AP1AR: variants seen among roughly 807,000 people sequenced by gnomAD.
The protein encoded by AP1AR is adaptor related protein complex 1 associated regulatory protein, also known as AP-1 complex-associated regulatory protein.
In AP1AR, 29 loss-of-function variants were observed where a neutral mutation model predicts 46.3. The observed-to-expected ratio is 0.63, with a 90% CI of 0.47 to 0.85. The LOEUF (loss-of-function observed/expected upper bound fraction) is 0.85, where lower values mean the gene tolerates loss of function less well. AP1AR is among the 40% of genes least tolerant of loss of function. The pLI, the probability that AP1AR is intolerant of heterozygous loss-of-function variation, is 0.00. For synonymous variants in AP1AR, 122 were observed against 122.9 expected, an observed-to-expected ratio of 0.99 and a Z score of 0.05; for missense variants, 357 against 356.3, an observed-to-expected ratio of 1.00 and a Z score of -0.02.
At chr4:112,249,734 G>A (rs1212229947) in intron 1 of AP1AR, among the ~76,000 whole-genome samples, 6 of 152,092 alleles carry the variant, frequency 3.9e-5, no homozygotes, top group African/African-American at 1.4e-4. Context: ...ATATTGCATA[G>A]TGAGATACCA....
intron 1 of AP1AR, among the ~76,000 whole-genome samples, chr4:112,237,611 C>T (rs1319576529): frequency 6.6e-6 from 1 of 151,946 alleles, no homozygotes; most frequent in African/African-American, 2.4e-5. Flanking sequence ...CAGGCCACCA[C>T]GCTTGGCTAA....
intron 1 of AP1AR, among the ~76,000 whole-genome samples, chr4:112,242,199 T>G (rs970759053): frequency 1.3e-5 from 2 of 152,194 alleles, no homozygotes; most frequent in African/African-American, 4.8e-5. Flanking sequence ...TGGTTTTATC[T>G]TTAATAAAAG....
At chr4:112,241,793 C>G (rs528053548) in intron 1 of AP1AR, among the ~76,000 whole-genome samples, 2 of 152,202 alleles carry the variant, frequency 1.3e-5, no homozygotes, top group East Asian at 3.9e-4. Context: ...GTGGTTAAAT[C>G]TCTATTGAAA....
Position 112,265,067 on chromosome 4 carries a change from G to A in AP1AR, c.440G>A (p.Ser147Asn). The A allele has an allele frequency of 6.3e-7, 1 of 1,598,300 alleles. No individual in the cohort carries two copies. The stretch of plus-strand genomic sequence containing the variant: ...CCTTCCAACAATGGAGAATATCAAA[G>A]GTAAATAGTGAAACATATGCCTCCT... ...YHPSNNGEYQSSGPEDDFESC... is the reference protein window; with the variant it reads ...YHPSNNGEYQNSGPEDDFESC... Residue 147 changes from serine to asparagine, a missense_variant and splice_region_variant, in exon 7 of 10, where the codon AGT becomes AAT. By Grantham distance (46) the Ser-to-Asn change is conservative (BLOSUM62 1). Transcript: ENST00000274000.
At chr4:112,254,967 T>C (rs949749067) in intron 3 of AP1AR, 194 bp downstream of exon 3, 13 of 322,836 alleles carry the variant, frequency 4.0e-5, no homozygotes, top group South Asian at 7.8e-5. Context: ...TTCCGAATTT[T>C]TTTTTTTTCT....
rs977866310 is a variant in AP1AR at position 112,270,732 on chromosome 4, G to A, written c.*2323G>A. On this transcript the variant is annotated 3_prime_UTR_variant, in exon 10 of 10. Transcript: ENST00000274000. ...GGGAATGAAGCATCATGAGTGAGGG[G>A]GAAGAGTGGTATGAGATGATACTGG... 1.3e-5 allele frequency among the ~76,000 whole-genome samples: 2 copies of A among 152,188 alleles called. No individual in the cohort carries two copies. The highest frequency in any genetic ancestry group is 4.8e-5 in the African/African-American group (2 of 41,450).
intron 6 of AP1AR, 123 bp from the exon 7 acceptor site, chr4:112,264,886 A>G (rs1726608000): frequency 1.4e-6 from 1 of 708,986 alleles, no homozygotes. Flanking sequence ...GGAAAAATAT[A>G]TCAACAAAAT....
intron 1 of AP1AR, among the ~76,000 whole-genome samples, chr4:112,240,929 C>A (rs1041225115): frequency 6.6e-6 from 1 of 152,178 alleles, no homozygotes; most frequent in African/African-American, 2.4e-5. Context: ...GGCATAGATA[C>A]ATAAGTGGCA....
chr4:112,272,299 T>TAAC lies in AP1AR; in HGVS notation c.*3892_*3894dup, dbSNP rs1284867260. Among the ~76,000 whole-genome samples the TAAC allele has an allele frequency of 1.3e-5, 2 of 152,118 alleles. No homozygotes were observed. The highest frequency in any genetic ancestry group is 4.8e-5 in the African/African-American group (2 of 41,408). ...GGCTGGTGACAGGGAAGGGAAAATC[T>TAAC]AACAGGAGACATCTTGAGCTCATGG... On this transcript the variant is annotated 3_prime_UTR_variant, in exon 10 of 10. Transcript: ENST00000274000.
At chr4:112,257,831 C>G (rs775472543) in intron 4 of AP1AR, 34 bp downstream of exon 4, 16 of 1,509,382 alleles carry the variant, frequency 1.1e-5, no homozygotes, top group Non-Finnish European at 1.4e-5. Flanking sequence ...AACAAAACTT[C>G]TATGCAAACT....
chr4:112,264,618 T>C (rs1163149845), intron 6 of AP1AR, among the ~76,000 whole-genome samples: 1 of 152,168 alleles, frequency 6.6e-6, no homozygotes, highest in Non-Finnish European at 1.5e-5. Flanking sequence ...TCTGTTGTTG[T>C]ATTGCTACTT....
At chr4:112,266,509 A>T in intron 8 of AP1AR, 79 bp from the exon 9 acceptor site, 1 of 1,308,150 alleles carries the variant, frequency 7.6e-7, no homozygotes, top group South Asian at 1.4e-5. Flanking sequence ...TTAGAGACAG[A>T]TAATTGTTAC....
At position 112,265,758 on chromosome 4, in the gene AP1AR, A is replaced by C. The variant is rs767376223; in HGVS notation, c.465A>C (p.Glu155Asp). The change falls in exon 8 of 10, where the codon GAA (glutamate) becomes GAC (aspartate). Residue 155 changes from glutamate (E) to aspartate (D), a missense_variant. By Grantham distance (45) the Glu-to-Asp change is conservative. Coordinates refer to ENST00000274000, the MANE Select transcript of AP1AR (RefSeq NM_018569.6). ...GTTCAGGACCAGAAGATGACTTCGAATCTTGTTTGAGAAATATGAAGTCAC... is the reference window on the plus strand; with the variant it reads ...GTTCAGGACCAGAAGATGACTTCGACTCTTGTTTGAGAAATATGAAGTCAC... ...YQSSGPEDDF[E>D]SCLRNMKSQY... The C allele has an allele frequency of 6.2e-7, 1 of 1,609,886 alleles. No homozygotes were observed. Among genetic ancestry groups the C allele is most frequent in the South Asian group, 1.1e-5 (1 of 90,694 alleles).
rs968871825 is a variant in AP1AR at position 112,253,403 on chromosome 4, G to A, written c.132+147G>A. The A allele has an allele frequency of 4.7e-6, 3 of 640,776 alleles. No homozygotes were observed. In the African/African-American group the frequency reaches 5.7e-5, roughly 12 times the overall value. 39.7% of individuals were successfully genotyped at this position (640,776 alleles called of 1,614,324 possible). ...ATTCATGTTAGTGAAGATTGAAAGA[G>A]TTGGAGCAGTGAGGGAAGGAATGAG... On this transcript the variant is annotated intron_variant, in intron 2 of 9. Coordinates refer to ENST00000274000, the MANE Select transcript of AP1AR (RefSeq NM_018569.6).
chr4:112,243,008 C>G (rs1227217849), intron 1 of AP1AR, among the ~76,000 whole-genome samples: 1 of 152,200 alleles, frequency 6.6e-6, no homozygotes, highest in Admixed American at 6.5e-5. Flanking sequence ...AGCTCCTCAA[C>G]TTTCACCCTA....
chr4:112,268,398 C>T lies in AP1AR; in HGVS notation c.898C>T (p.Gln300Ter), dbSNP rs957601735. 3 of 1,594,776 alleles carry T rather than the reference C, an allele frequency of 1.9e-6. No homozygotes were observed. Among genetic ancestry groups the T allele is most frequent in the South Asian group, 1.1e-5 (1 of 87,838 alleles). ...CATAAGGCATTCTGACACAGATCAA[C>T]AGACTCGATAGGGTAAAATTGTGTG... The part of the protein sequence containing the change: ...SGIRHSDTDQ[Q>*]TR Residue 300 changes from glutamine (Q) to a stop codon, truncating the protein, a stop_gained, in exon 10 of 10, where the codon CAG becomes TAG. Coordinates refer to ENST00000274000, the MANE Select transcript of AP1AR (RefSeq NM_018569.6). LOFTEE classifies it high-confidence loss of function.
At chr4:112,239,878 G>A (rs1013769169) in intron 1 of AP1AR, among the ~76,000 whole-genome samples, 4 of 152,164 alleles carry the variant, frequency 2.6e-5, no homozygotes, top group African/African-American at 9.7e-5. Flanking sequence ...GTGTACCAGC[G>A]GTGCTTGCCA....
chr4:112,253,775 A>G (rs1345669458), intron 2 of AP1AR, among the ~76,000 whole-genome samples: 2 of 152,238 alleles, frequency 1.3e-5, no homozygotes, highest in African/African-American at 4.8e-5. Flanking sequence ...TGTTTCATGG[A>G]TGAAAAATCA....
In AP1AR at chr4:112,232,167, G is replaced by A. The variant is rs942703489; in HGVS notation, c.76G>A (p.Gly26Ser). 1 of 1,285,858 alleles carries A rather than the reference G, an allele frequency of 7.8e-7. No individual in the cohort carries two copies. The highest frequency in any genetic ancestry group is 1.5e-5 in the African/African-American group (1 of 64,832). 79.7% of individuals were successfully genotyped at this position (1,285,858 alleles called of 1,614,324 possible). A position where few individuals can be genotyped will look rare whatever the true frequency, so the allele number is the denominator to read the frequency against. Reference protein sequence around the residue: ...EAGRLQRVGGGGGSKYFRTCS... With the variant: ...EAGRLQRVGGSGGSKYFRTCS... ...GGGGCGGCTGCAGCGAGTAGGCGGCGGCGGAGGGTAAGCCCGCTGGGGGAG... is the reference window on the plus strand; with the variant it reads ...GGGGCGGCTGCAGCGAGTAGGCGGCAGCGGAGGGTAAGCCCGCTGGGGGAG... Residue 26 changes from glycine (G) to serine (S), a missense_variant, in exon 1 of 10, where the codon GGC becomes AGC. Gly to Ser is a moderately conservative substitution (Grantham distance 56). Coordinates refer to ENST00000274000, the MANE Select transcript of AP1AR (RefSeq NM_018569.6).
Sources: allele counts gnomAD v4.1 joint callset (sites outside exome capture counted in the v4.1 genomes callset), GRCh38; gene constraint gnomAD v4.1.1; transcripts MANE v1.5; gene names NCBI Gene and HGNC (gene_info 2026-07-23, HGNC 2026-07-21).